CFAP54: variants seen among roughly 807,000 people sequenced by gnomAD.
CFAP54 encodes cilia- and flagella-associated protein 54.
Under a neutral mutation model 370.4 loss-of-function variants are expected in CFAP54, and 290 were observed. The ratio of observed to expected loss-of-function variants is 0.78; its 90% CI spans 0.71 to 0.86. CFAP54 has a LOEUF of 0.86. CFAP54 is among the 40% of genes least tolerant of loss of function. The pLI is 0.00. For synonymous variants in CFAP54, 1,206 were observed against 1,236.5 expected, an observed-to-expected ratio of 0.98 and a Z score of 0.52; for missense variants, 3,399 against 3,528.7, an observed-to-expected ratio of 0.96 and a Z score of 0.93.
chr12:96,543,239 A>G (rs1265359721), intron 14 of CFAP54, among the ~76,000 whole-genome samples: 1 of 152,184 alleles, frequency 6.6e-6, no homozygotes, highest in Non-Finnish European at 1.5e-5. Context: ...TGAGACAATG[A>G]TTTGAGTGAA....
intron 20 of CFAP54, among the ~76,000 whole-genome samples, chr12:96,579,763 T>C (rs1382807560): frequency 6.6e-6 from 1 of 152,128 alleles, no homozygotes; most frequent in Non-Finnish European, 1.5e-5. Flanking sequence ...ATAATGAATC[T>C]TCATTATCTT....
At position 96,744,007 on chromosome 12, in the gene CFAP54, G is replaced by T; in HGVS notation, c.7558-13G>T. On this transcript the variant is annotated splice_polypyrimidine_tract_variant and intron_variant, in intron 54 of 67. Transcript: ENST00000524981. ...CAACTAATTGCTCATTACAATATTT[G>T]TTTTTTTAATAGATGCTAGCTTTTG... The T allele has an allele frequency of 1.2e-6, 2 of 1,604,884 alleles. No individual in the cohort carries two copies. The highest frequency in any genetic ancestry group is 1.7e-6 in the Non-Finnish European group (2 of 1,177,368).
At chr12:96,635,519 T>C in intron 32 of CFAP54, among the ~76,000 whole-genome samples, 1 of 152,190 alleles carries the variant, frequency 6.6e-6, no homozygotes, top group East Asian at 1.9e-4. Context: ...TTCATGGAAT[T>C]TCTCCTTAGG....
intron 48 of CFAP54, among the ~76,000 whole-genome samples, chr12:96,709,482 A>G (rs1465641379): frequency 1.3e-5 from 2 of 152,130 alleles, no homozygotes; most frequent in Non-Finnish European, 1.5e-5. Context: ...TTTCATAGAT[A>G]TGCTTTATCA....
At chr12:96,679,577 A>G (rs1185635154) in intron 39 of CFAP54, 23 bp from the exon 40 acceptor site, 1 of 1,600,156 alleles carries the variant, frequency 6.2e-7, no homozygotes, top group Non-Finnish European at 8.5e-7. Context: ...CATCCCCAAT[A>G]TTCCGCTTTT....
intron 5 of CFAP54, among the ~76,000 whole-genome samples, chr12:96,513,598 G>A (rs1167721523): frequency 3.3e-5 from 5 of 152,090 alleles, no homozygotes; most frequent in South Asian, 2.1e-4. Context: ...AAAATTAGCC[G>A]GACCTGGTGG....
At chr12:96,600,977 C>T (rs1093239) in intron 26 of CFAP54, among the ~76,000 whole-genome samples, 104,776 of 152,022 alleles carry the variant, frequency 0.69, 36,257 homozygotes, top group African/African-American at 0.71. Context: ...ATTGACCTGG[C>T]CAGAATTTCC....
At chr12:96,606,201 C>G (rs754248765) in intron 26 of CFAP54, among the ~76,000 whole-genome samples, 1 of 152,150 alleles carries the variant, frequency 6.6e-6, no homozygotes, top group African/African-American at 2.4e-5. Context: ...AAGAGTAGAG[C>G]TGAGACAGAT....
rs1282318282 is a variant in CFAP54, at chr12:96,626,609, T to C, written c.3977-204T>C. On this transcript the variant is annotated intron_variant, in intron 29 of 67. Coordinates refer to ENST00000524981, the MANE Select transcript of CFAP54 (RefSeq NM_001306084.2). The stretch of plus-strand genomic sequence containing the variant: ...TGAGATATTTAGAAAATAAATTTAA[T>C]ATAGACTGTAAAGGATTCATTGATA... Among the ~76,000 whole-genome samples, 3 of 152,160 alleles carry C rather than the reference T, an allele frequency of 2.0e-5. No homozygotes were observed. The East Asian group carries it at 5.8e-4, about 29-fold the overall frequency.
intron 40 of CFAP54, among the ~76,000 whole-genome samples, chr12:96,683,800 G>A (rs953057169): frequency 2.0e-5 from 3 of 149,750 alleles, no homozygotes; most frequent in Non-Finnish European, 4.4e-5. Context: ...TTTTGTTGTT[G>A]TTTTTTTTTG....
chr12:96,572,587 A>G (rs537738073), intron 19 of CFAP54, among the ~76,000 whole-genome samples: 3 of 152,268 alleles, frequency 2.0e-5, no homozygotes, highest in East Asian at 1.9e-4. Flanking sequence ...TCTGGCAAGT[A>G]TTAGAGGAGG....
At chr12:96,760,702 G>C (rs577954776) in intron 58 of CFAP54, among the ~76,000 whole-genome samples, 1 of 152,192 alleles carries the variant, frequency 6.6e-6, no homozygotes, top group East Asian at 1.9e-4. Context: ...CCAGCTAATA[G>C]AATAATAGAT....
chr12:96,792,215 C>A, intron 62 of CFAP54, 114 bp from the exon 63 acceptor site: 3 of 885,100 alleles, frequency 3.4e-6, no homozygotes, highest in Non-Finnish European at 4.9e-6. Flanking sequence ...GATTTACCTC[C>A]ATAAAACAAG....
chr12:96,763,025 A>C (rs1958356480), intron 58 of CFAP54, among the ~76,000 whole-genome samples: 1 of 152,178 alleles, frequency 6.6e-6, no homozygotes. Context: ...ATTGAAAATT[A>C]AAGAATTGGT....
intron 56 of CFAP54, among the ~76,000 whole-genome samples, chr12:96,754,638 C>T (rs1958229898): frequency 6.6e-6 from 1 of 152,134 alleles, no homozygotes; most frequent in African/African-American, 2.4e-5. Context: ...CACTGGCCAG[C>T]TCTGTGCCCT....
At position 96,775,395 on chromosome 12, in the gene CFAP54, C is replaced by T. The variant is rs144335071; in HGVS notation, c.8282-9322C>T. On this transcript the variant is annotated intron_variant, in intron 60 of 67. Coordinates refer to ENST00000524981, the MANE Select transcript of CFAP54 (RefSeq NM_001306084.2). ...AGTGAGCTGAGATGGCGCTACTGCACTCCAGCCCAAGCAACAGAGTGAGAT... is the reference window on the plus strand; with the variant it reads ...AGTGAGCTGAGATGGCGCTACTGCATTCCAGCCCAAGCAACAGAGTGAGAT... Among the ~76,000 whole-genome samples the T allele has an allele frequency of 8.9e-4, 136 of 152,242 alleles. No individual in the cohort carries two copies. In the East Asian group the frequency reaches 0.024, roughly 27 times the overall value.
At chr12:96,656,999 G>T (rs148567078) in intron 36 of CFAP54, among the ~76,000 whole-genome samples, 64 of 152,294 alleles carry the variant, frequency 4.2e-4, no homozygotes, top group African/African-American at 1.5e-3. Flanking sequence ...TTCACAGTCC[G>T]ATGACTTCCA....
At chr12:96,578,034 C>T (rs987455149) in intron 20 of CFAP54, among the ~76,000 whole-genome samples, 2 of 152,040 alleles carry the variant, frequency 1.3e-5, no homozygotes, top group East Asian at 3.9e-4. Flanking sequence ...GACATTCCAG[C>T]CTGGGAGACA....
chr12:96,749,615 C>G (rs1958160371), intron 55 of CFAP54, among the ~76,000 whole-genome samples: 1 of 152,132 alleles, frequency 6.6e-6, no homozygotes, highest in African/African-American at 2.4e-5. Context: ...TTATTTTTGT[C>G]ATCTATAACT....
Sources: allele counts gnomAD v4.1 joint callset (sites outside exome capture counted in the v4.1 genomes callset), GRCh38; gene constraint gnomAD v4.1.1; transcripts MANE v1.5; gene names NCBI Gene and HGNC (gene_info 2026-07-23, HGNC 2026-07-21).